EYS: variants seen among roughly 807,000 people sequenced by gnomAD.
The protein encoded by EYS is protein eyes shut homolog.
EYS carries 250 observed loss-of-function variants against 282.1 expected under a neutral mutation model. That is an observed-to-expected ratio of 0.89 (90% confidence interval 0.80 to 0.98). EYS has a LOEUF of 0.98. Ranked by LOEUF, EYS falls within the 50% of genes least tolerant of loss-of-function variation. EYS has a pLI of 0.00. For missense variants in EYS, 4,016 were observed against 3,709.0 expected, an observed-to-expected ratio of 1.08 and a Z score of -2.15; for synonymous variants, 1,355 against 1,282.9, an observed-to-expected ratio of 1.06 and a Z score of -1.20.
At chr6:63,964,228 G>A (rs1054286456) in intron 35 of EYS, among the ~76,000 whole-genome samples, 2 of 152,086 alleles carry the variant, frequency 1.3e-5, no homozygotes, top group African/African-American at 4.8e-5. Flanking sequence ...GAACAACAAG[G>A]AAGAGTATTG....
intron 35 of EYS, among the ~76,000 whole-genome samples, chr6:63,936,489 C>A (rs1266862657): frequency 6.6e-6 from 1 of 152,192 alleles, no homozygotes; most frequent in East Asian, 1.9e-4. Context: ...AAGCCCCCAG[C>A]TTACTGTGCA....
intron 24 of EYS, among the ~76,000 whole-genome samples, chr6:64,615,742 C>A (rs1767253554): frequency 6.6e-6 from 1 of 152,028 alleles, no homozygotes; most frequent in Admixed American, 6.6e-5. Flanking sequence ...AACATTATCT[C>A]TTGCTATGAC....
At position 64,264,875 on chromosome 6, in the gene EYS, G is replaced by A. The variant is rs145258252; in HGVS notation, c.6192-34051C>T. On this transcript the variant is annotated intron_variant, in intron 30 of 42. Coordinates refer to ENST00000503581, the MANE Select transcript of EYS (RefSeq NM_001142800.2). ...GCCAAGGTCGTGCCACTGTACTACA[G>A]CTTGGGTGAAAGAGTGAGACTGTCT... is the stretch of plus-strand genomic sequence containing the variant. Among the ~76,000 whole-genome samples the A allele has an allele frequency of 2.3e-3, 349 of 152,180 alleles. 7 individuals carry two copies. The highest frequency in any genetic ancestry group is 0.019 in the Admixed American group (297 of 15,264).
chr6:64,976,318 A>T (rs1770473336), intron 14 of EYS, among the ~76,000 whole-genome samples: 1 of 151,948 alleles, frequency 6.6e-6, no homozygotes, highest in African/African-American at 2.4e-5. Context: ...ACTATTTTAC[A>T]TATTGGCCTA....
chr6:65,409,331 T>A (rs1041438736), intron 5 of EYS, among the ~76,000 whole-genome samples: 1 of 152,166 alleles, frequency 6.6e-6, no homozygotes, highest in Non-Finnish European at 1.5e-5. Context: ...GCAGCTTGTA[T>A]AGAACTTGGA....
chr6:65,485,020 G>C (rs991790638), intron 5 of EYS, among the ~76,000 whole-genome samples: 1 of 152,208 alleles, frequency 6.6e-6, no homozygotes, highest in South Asian at 2.1e-4. Flanking sequence ...AGAAAAATTT[G>C]CCAGCCCTTG....
chr6:64,633,719 A>G (rs1767873688), intron 22 of EYS, among the ~76,000 whole-genome samples: 1 of 151,944 alleles, frequency 6.6e-6, no homozygotes, highest in African/African-American at 2.4e-5. Flanking sequence ...TCTCTTGTGC[A>G]GGCAAGCTAG....
At chr6:65,052,478 G>T (rs1773300694) in intron 13 of EYS, among the ~76,000 whole-genome samples, 1 of 151,494 alleles carries the variant, frequency 6.6e-6, no homozygotes, top group Non-Finnish European at 1.5e-5. Context: ...GCCATCATTG[G>T]CCATGACAAT....
chr6:65,208,094 G>A (rs1201202207), intron 12 of EYS, among the ~76,000 whole-genome samples: 1 of 151,320 alleles, frequency 6.6e-6, no homozygotes, highest in African/African-American at 2.4e-5. Context: ...ATGGGAGAAA[G>A]TATTTGCAAA....
chr6:65,263,555 A>G (rs1767673268), intron 12 of EYS, among the ~76,000 whole-genome samples: 1 of 152,188 alleles, frequency 6.6e-6, no homozygotes. Flanking sequence ...ATGAATTTGT[A>G]TTATAATTAA....
chr6:63,884,477 G>C (rs1773214350), intron 35 of EYS, among the ~76,000 whole-genome samples: 1 of 151,860 alleles, frequency 6.6e-6, no homozygotes, highest in Non-Finnish European at 1.5e-5. Context: ...ATGTTACCTA[G>C]CTTGATTTGG....
intron 31 of EYS, among the ~76,000 whole-genome samples, chr6:64,123,837 G>A (rs1255718623): frequency 6.6e-6 from 1 of 152,134 alleles, no homozygotes; most frequent in African/African-American, 2.4e-5. Context: ...CAAAGATTGT[G>A]CCTTTGGTTT....
At chr6:64,940,351 A>G (rs1017013833) in intron 15 of EYS, among the ~76,000 whole-genome samples, 2 of 152,064 alleles carry the variant, frequency 1.3e-5, no homozygotes, top group African/African-American at 4.8e-5. Context: ...CGCATATACA[A>G]GTTATCTTAA....
At chr6:65,178,012 C>A (rs914328744) in intron 12 of EYS, among the ~76,000 whole-genome samples, 22 of 151,822 alleles carry the variant, frequency 1.4e-4, no homozygotes, top group African/African-American at 5.1e-4. Flanking sequence ...ATAAAATTGA[C>A]AAATAGGTTT....
At chr6:64,004,870 T>C (rs531873086) in intron 33 of EYS, among the ~76,000 whole-genome samples, 1 of 152,322 alleles carries the variant, frequency 6.6e-6, no homozygotes, top group Admixed American at 6.5e-5. Context: ...ACCACTGATA[T>C]GCATTTAGGT....
At chr6:64,134,311 A>G (rs1774087767) in intron 31 of EYS, among the ~76,000 whole-genome samples, 2 of 152,030 alleles carry the variant, frequency 1.3e-5, no homozygotes, top group South Asian at 4.1e-4. Context: ...CAGAATAATA[A>G]AGCTGGTGGA....
At position 64,449,635 on chromosome 6, in the gene EYS, C is replaced by G. The variant is rs144632698; in HGVS notation, c.5645-10283G>C. On this transcript the variant is annotated intron_variant, in intron 26 of 42. Transcript: ENST00000503581. ...GGTTGGGTTACCTACAAAGGGAAGC[C>G]CATCAGACTAACAGCTGATCTCTCC... Among the ~76,000 whole-genome samples the G allele has an allele frequency of 2.3e-3, 343 of 152,246 alleles. 2 individuals carry two copies. The highest frequency in any genetic ancestry group is 7.9e-3 in the African/African-American group (328 of 41,544).
chr6:64,885,041 T>C (rs1278969447), intron 19 of EYS, among the ~76,000 whole-genome samples: 1 of 151,638 alleles, frequency 6.6e-6, no homozygotes, highest in South Asian at 2.1e-4. Context: ...TCTGAATGCA[T>C]GAACCTATAA....
intron 19 of EYS, among the ~76,000 whole-genome samples, chr6:64,841,531 T>C (rs1224968425): frequency 1.3e-5 from 2 of 152,108 alleles, no homozygotes; most frequent in East Asian, 3.9e-4. Context: ...TAGTTCTTGG[T>C]CAACAAATTT....
Sources: allele counts gnomAD v4.1 joint callset (sites outside exome capture counted in the v4.1 genomes callset), GRCh38; gene constraint gnomAD v4.1.1; transcripts MANE v1.5; gene names NCBI Gene and HGNC (gene_info 2026-07-23, HGNC 2026-07-21).